SCN8A: variants seen among roughly 807,000 people sequenced by gnomAD.
The protein encoded by SCN8A is sodium voltage-gated channel alpha subunit 8, also known as sodium channel protein type 8 subunit alpha.
A neutral mutation model predicts 184.1 loss-of-function variants in SCN8A; 30 were observed. The observed-to-expected ratio is 0.16, with a 90% CI of 0.12 to 0.22. The LOEUF is 0.22. SCN8A is among the 10% of genes least tolerant of loss of function. The pLI, the probability that SCN8A is intolerant of heterozygous loss-of-function variation, is 1.00. For missense variants in SCN8A, 1,057 were observed against 2,498.9 expected, an observed-to-expected ratio of 0.42 and a Z score of 12.30; for synonymous variants, 852 against 907.0, an observed-to-expected ratio of 0.94 and a Z score of 1.09.
chr12:51,688,525 C>CA (rs1233739516), intron 5 of SCN8A, among the ~76,000 whole-genome samples: 1 of 152,128 alleles, frequency 6.6e-6, no homozygotes, highest in Non-Finnish European at 1.5e-5. Flanking sequence ...GGGATCAGCA[C>CA]ATTACTATGC....
At chr12:51,739,865 A>G (rs1942390664) in intron 12 of SCN8A, among the ~76,000 whole-genome samples, 1 of 152,242 alleles carries the variant, frequency 6.6e-6, no homozygotes, top group East Asian at 1.9e-4. Context: ...CAGGGGTCTC[A>G]CAGCCTTCGG....
chr12:51,782,098 A>G (rs2138895633), intron 21 of SCN8A, among the ~76,000 whole-genome samples: 1 of 152,392 alleles, frequency 6.6e-6, no homozygotes, highest in African/African-American at 2.4e-5. Flanking sequence ...TCTGTAGCAC[A>G]GTCACAGTTT....
At position 51,768,934 on chromosome 12, in the gene SCN8A, G is replaced by A. The variant is rs80261247; in HGVS notation, c.2971G>A (p.Asp991Asn). 2.5e-6 allele frequency: 4 copies of A among 1,605,808 alleles called. No individual in the cohort carries two copies. The highest frequency in any genetic ancestry group is 3.4e-6 in the Non-Finnish European group (4 of 1,173,282). ...AGACAACCTGGCTGCCACAGATGAC[G>A]ATGGGGAAATGAACAACCTCCAGAT... ...SADNLAATDDDGEMNNLQISV... is the reference protein window; with the variant it reads ...SADNLAATDDNGEMNNLQISV... The change falls in exon 17 of 27, where the codon GAT becomes AAT. Residue 991 changes from aspartate to asparagine, a missense_variant. Physicochemically the swap from Asp to Asn is conservative, Grantham distance 23. Around this residue, in one of 19 missense-constraint regions of SCN8A, gnomAD observed 178 missense variants for 259.6 expected, o/e 0.69. Transcript: ENST00000627620.
At chr12:51,611,025 A>G (rs959384609) in intron 1 of SCN8A, among the ~76,000 whole-genome samples, 1 of 152,218 alleles carries the variant, frequency 6.6e-6, no homozygotes, top group Non-Finnish European at 1.5e-5. Flanking sequence ...ACTGCATTAA[A>G]TCTATAAATC....
At chr12:51,680,338 C>T (rs1027937619) in intron 2 of SCN8A, among the ~76,000 whole-genome samples, 12 of 152,180 alleles carry the variant, frequency 7.9e-5, no homozygotes, top group Non-Finnish European at 1.5e-4. Flanking sequence ...CTTCTGCTTA[C>T]AAAATCATAG....
At chr12:51,726,696 A>G (rs1213173437) in intron 12 of SCN8A, among the ~76,000 whole-genome samples, 1 of 152,210 alleles carries the variant, frequency 6.6e-6, no homozygotes, top group South Asian at 2.1e-4. Context: ...CTTCATATAT[A>G]AAGTGTGAAG....
chr12:51,782,694 C>T (rs1485866048), intron 21 of SCN8A, among the ~76,000 whole-genome samples: 2 of 152,336 alleles, frequency 1.3e-5, no homozygotes, highest in East Asian at 3.9e-4. Context: ...CCTGTCCAGG[C>T]AGACAGAAGC....
At chr12:51,768,813 C>T (rs931240776) in intron 16 of SCN8A, 52 bp from the exon 17 acceptor site, 36 of 1,457,950 alleles carry the variant, frequency 2.5e-5, no homozygotes, top group Middle Eastern at 1.8e-4. Flanking sequence ...ACCCTGAGTT[C>T]GATGGATAAC....
rs572668259 is a variant in SCN8A, at chr12:51,699,520, G to C, written c.707-50G>C. 4 of 1,463,314 alleles carry C rather than the reference G, an allele frequency of 2.7e-6. No homozygotes were observed. In the East Asian group the frequency reaches 6.9e-5, roughly 25 times the overall value. 90.6% of individuals were successfully genotyped at this position (1,463,314 alleles called of 1,614,324 possible). ...GTGGCTAAGAGGGAGGCTTGGGGAG[G>C]TGGGGAGGGCTTTGAGGTGCCTCTG... On this transcript the variant is annotated intron_variant, in intron 6 of 26. Coordinates refer to ENST00000627620, the MANE Select transcript of SCN8A (RefSeq NM_001330260.2).
chr12:51,681,002 C>T (rs1251814514), intron 2 of SCN8A, among the ~76,000 whole-genome samples: 2 of 151,932 alleles, frequency 1.3e-5, no homozygotes, highest in Non-Finnish European at 2.9e-5. Flanking sequence ...AAAACTCTGT[C>T]TCAAAATAAT....
chr12:51,725,971 G>T (rs1942149152), intron 12 of SCN8A, among the ~76,000 whole-genome samples: 1 of 152,180 alleles, frequency 6.6e-6, no homozygotes, highest in Admixed American at 6.5e-5. Context: ...CACTGATAGT[G>T]CACGCACTGG....
intron 14 of SCN8A, among the ~76,000 whole-genome samples, chr12:51,751,893 C>G (rs186153991): frequency 6.6e-6 from 1 of 152,256 alleles, no homozygotes; most frequent in Admixed American, 6.5e-5. Flanking sequence ...CCAAGTACTT[C>G]TGGTTTTTTT....
chr12:51,713,864 T>A (rs1376241957), intron 11 of SCN8A, among the ~76,000 whole-genome samples: 1 of 151,566 alleles, frequency 6.6e-6, no homozygotes. Flanking sequence ...TTAAGAAAAT[T>A]AAAAAATATT....
intron 11 of SCN8A, chr12:51,713,423 T>G: frequency 1.2e-6 from 1 of 809,328 alleles, no homozygotes; most frequent in Non-Finnish European, 2.2e-6. Context: ...ACACAATCTG[T>G]GAGTGTGCCC....
At chr12:51,767,717 C>A (rs1942860238) in intron 16 of SCN8A, among the ~76,000 whole-genome samples, 1 of 152,178 alleles carries the variant, frequency 6.6e-6, no homozygotes. Flanking sequence ...AACATCCACA[C>A]CCCTCACTCC....
intron 12 of SCN8A, among the ~76,000 whole-genome samples, chr12:51,731,049 C>CT (rs1382270713): frequency 6.6e-6 from 1 of 152,086 alleles, no homozygotes; most frequent in African/African-American, 2.4e-5. Flanking sequence ...GGATCTCAGT[C>CT]TTTTTTTATG....
chr12:51,608,269 G>A (rs200660651), intron 1 of SCN8A, among the ~76,000 whole-genome samples: 6 of 151,768 alleles, frequency 4.0e-5, no homozygotes, highest in African/African-American at 7.3e-5. Context: ...CTCGGCCTCC[G>A]AAAGTGCTGG....
intron 14 of SCN8A, among the ~76,000 whole-genome samples, chr12:51,761,962 G>A (rs1942768993): frequency 1.3e-5 from 2 of 151,694 alleles, no homozygotes; most frequent in East Asian, 1.9e-4. Flanking sequence ...GAAAATACAT[G>A]AAAATGATAG....
intron 14 of SCN8A, among the ~76,000 whole-genome samples, chr12:51,755,275 C>T (rs1942656754): frequency 6.6e-6 from 1 of 152,154 alleles, no homozygotes; most frequent in Admixed American, 6.5e-5. Context: ...TTATTTATAT[C>T]AGTATGGATT....
Sources: allele counts gnomAD v4.1 joint callset (sites outside exome capture counted in the v4.1 genomes callset), GRCh38; gene constraint gnomAD v4.1.1; regional missense constraint gnomAD v4.1.1; transcripts MANE v1.5; gene names NCBI Gene and HGNC (gene_info 2026-07-23, HGNC 2026-07-21).